The following RHOJ variants were observed in gnomAD, a reference collection of about 807,000 sequenced individuals.
RHOJ encodes ras homolog family member J, also known as rho-related GTP-binding protein RhoJ.
RHOJ carries 11 observed loss-of-function variants against 23.4 expected under a neutral mutation model. The ratio of observed to expected loss-of-function variants is 0.47; its 90% CI spans 0.30 to 0.78. The LOEUF is 0.78. Among genes scored for constraint, RHOJ ranks in the 30% least tolerant of loss-of-function variants. The probability of loss-of-function intolerance (pLI) is 0.08; values close to 1 mark genes in which losing one functional copy is unlikely to be tolerated. For missense variants in RHOJ, 254 were observed against 273.4 expected (o/e 0.93, Z 0.50); for synonymous variants, 102 against 102.7 (o/e 0.99, Z 0.04).
At chr14:63,262,070 G>A (rs913269350) in intron 1 of RHOJ, among the ~76,000 whole-genome samples, 3 of 152,200 alleles carry the variant, frequency 2.0e-5, no homozygotes, top group East Asian at 1.9e-4. Context: ...ACTTGGAGGC[G>A]TCCCTATAAC....
At chr14:63,223,114 C>T (rs1894528689) in intron 1 of RHOJ, among the ~76,000 whole-genome samples, 1 of 152,178 alleles carries the variant, frequency 6.6e-6, no homozygotes, top group Admixed American at 6.5e-5. Flanking sequence ...TCACAGAATT[C>T]ATAGATGCAA....
At chr14:63,260,921 C>T (rs996241096) in intron 1 of RHOJ, among the ~76,000 whole-genome samples, 2 of 151,962 alleles carry the variant, frequency 1.3e-5, no homozygotes, top group African/African-American at 4.8e-5. Context: ...ACTACATTAG[C>T]TTTTATTCTG....
intron 1 of RHOJ, among the ~76,000 whole-genome samples, chr14:63,208,681 G>A (rs931490653): frequency 3.3e-5 from 5 of 151,940 alleles, no homozygotes; most frequent in African/African-American, 9.7e-5. Flanking sequence ...CCAAATGTTC[G>A]GAAACACTGA....
chr14:63,284,738 T>C (rs1000475617), intron 4 of RHOJ, among the ~76,000 whole-genome samples: 1 of 152,198 alleles, frequency 6.6e-6, no homozygotes, highest in Non-Finnish European at 1.5e-5. Flanking sequence ...ACAGCCAGGA[T>C]GTCCCCATTG....
At chr14:63,248,264 G>A (rs10147904) in intron 1 of RHOJ, among the ~76,000 whole-genome samples, 12,946 of 152,126 alleles carry the variant, frequency 0.085, 1,416 homozygotes, top group African/African-American at 0.26. Context: ...GATAATTTAT[G>A]TCAAGGCAAA....
intron 1 of RHOJ, among the ~76,000 whole-genome samples, chr14:63,214,451 A>C (rs1894307564): frequency 6.6e-6 from 1 of 152,212 alleles, no homozygotes; most frequent in Non-Finnish European, 1.5e-5. Context: ...TCCATCAGTA[A>C]AAAGCAATTT....
chr14:63,233,424 G>A (rs1894733266), intron 1 of RHOJ, among the ~76,000 whole-genome samples: 1 of 152,150 alleles, frequency 6.6e-6, no homozygotes, highest in African/African-American at 2.4e-5. Context: ...TGGATGAATT[G>A]TGTGGTATGC....
intron 1 of RHOJ, among the ~76,000 whole-genome samples, chr14:63,244,114 G>A (rs1894933313): frequency 6.6e-6 from 1 of 152,172 alleles, no homozygotes; most frequent in African/African-American, 2.4e-5. Context: ...AGGGATGATA[G>A]AGCTTCGACT....
chr14:63,251,397 C>G (rs371248663), intron 1 of RHOJ, among the ~76,000 whole-genome samples: 1 of 152,196 alleles, frequency 6.6e-6, no homozygotes, highest in Non-Finnish European at 1.5e-5. Context: ...CATTTAGAAC[C>G]TTGTTCACTA....
intron 1 of RHOJ, among the ~76,000 whole-genome samples, chr14:63,226,942 G>C (rs1379351920): frequency 6.6e-6 from 1 of 152,100 alleles, no homozygotes; most frequent in Non-Finnish European, 1.5e-5. Flanking sequence ...ATCCAAAAAA[G>C]GAAGTATGAG....
At chr14:63,218,155 G>A (rs1894406758) in intron 1 of RHOJ, among the ~76,000 whole-genome samples, 1 of 152,048 alleles carries the variant, frequency 6.6e-6, no homozygotes, top group South Asian at 2.1e-4. Context: ...TCAAAAGACA[G>A]GATTTCTTTA....
At chr14:63,236,086 T>C (rs1464189752) in intron 1 of RHOJ, among the ~76,000 whole-genome samples, 2 of 152,220 alleles carry the variant, frequency 1.3e-5, no homozygotes, top group African/African-American at 4.8e-5. Flanking sequence ...TTTCCACATA[T>C]AACAAACCTT....
chr14:63,288,762 C>A (rs1008907777), intron 4 of RHOJ, among the ~76,000 whole-genome samples: 1 of 152,172 alleles, frequency 6.6e-6, no homozygotes, highest in African/African-American at 2.4e-5. Flanking sequence ...CATTCAGTAA[C>A]CATTCTTGTC....
At chr14:63,245,497 A>C (rs1475849180) in intron 1 of RHOJ, among the ~76,000 whole-genome samples, 1 of 152,080 alleles carries the variant, frequency 6.6e-6, no homozygotes, top group Non-Finnish European at 1.5e-5. Context: ...TCTATTAAAA[A>C]TTTAAAAATT....
intron 3 of RHOJ, among the ~76,000 whole-genome samples, chr14:63,282,439 C>A (rs186823528): frequency 4.2e-4 from 64 of 152,242 alleles, no homozygotes; most frequent in African/African-American, 1.5e-3. Context: ...CATGGATTCG[C>A]ATACACAGTG....
intron 2 of RHOJ, among the ~76,000 whole-genome samples, chr14:63,276,220 C>G (rs916027175): frequency 1.3e-5 from 2 of 150,482 alleles, no homozygotes; most frequent in African/African-American, 2.5e-5. Flanking sequence ...TGGGGGGGGG[C>G]GGGGGCTGCG....
intron 1 of RHOJ, among the ~76,000 whole-genome samples, chr14:63,224,995 C>G (rs1192571039): frequency 6.7e-6 from 1 of 149,576 alleles, no homozygotes; most frequent in Non-Finnish European, 1.5e-5. Context: ...CCTTGTGGCC[C>G]AGGCCGGAGT....
chr14:63,256,285 G>A (rs1895163587), intron 1 of RHOJ, among the ~76,000 whole-genome samples: 1 of 152,154 alleles, frequency 6.6e-6, no homozygotes, highest in South Asian at 2.1e-4. Context: ...GCCGGCATCA[G>A]ATCTCTGTGA....
intron 1 of RHOJ, among the ~76,000 whole-genome samples, chr14:63,207,086 C>T (rs574193846): frequency 3.7e-4 from 56 of 150,214 alleles, no homozygotes; most frequent in Admixed American, 9.3e-4. Flanking sequence ...GGCTGGAGTG[C>T]AGTGGCATGA....
Sources: allele counts gnomAD v4.1 joint callset (sites outside exome capture counted in the v4.1 genomes callset), GRCh38; gene constraint gnomAD v4.1.1; transcripts MANE v1.5; gene names NCBI Gene and HGNC (gene_info 2026-07-23, HGNC 2026-07-21).